The following PDXDC1 variants were observed in gnomAD, a reference collection of about 807,000 sequenced individuals.
The protein encoded by PDXDC1 is pyridoxal-dependent decarboxylase domain-containing protein 1.
In PDXDC1, 42 loss-of-function variants were observed where a neutral mutation model predicts 100.1. The ratio of observed to expected loss-of-function variants is 0.42; its 90% CI spans 0.33 to 0.54. The LOEUF (loss-of-function observed/expected upper bound fraction) is 0.54. Among genes scored for constraint, PDXDC1 ranks in the 20% least tolerant of loss-of-function variants. The pLI is 0.10. For synonymous variants in PDXDC1, 260 were observed against 371.7 expected (o/e 0.70, Z 3.46); for missense variants, 636 against 979.2 (o/e 0.65, Z 4.68).
intron 16 of PDXDC1, among the ~76,000 whole-genome samples, chr16:15,132,497 C>A (rs1421780209): frequency 6.7e-6 from 1 of 149,968 alleles, no homozygotes; most frequent in Non-Finnish European, 1.5e-5. Flanking sequence ...CACATCTGGG[C>A]CCCTCTTTAC....
chr16:15,068,962 A>G (rs1389044676), intron 16 of PDXDC1, among the ~76,000 whole-genome samples: 1 of 152,244 alleles, frequency 6.6e-6, no homozygotes, highest in African/African-American at 2.4e-5. Flanking sequence ...GTCACAGCTT[A>G]CAAAAACAAG....
intron 16 of PDXDC1, among the ~76,000 whole-genome samples, chr16:15,089,853 A>G (rs986141475): frequency 9.3e-5 from 14 of 149,914 alleles, no homozygotes; most frequent in African/African-American, 3.2e-4. Flanking sequence ...GAAACGCTGA[A>G]GTTTTAAGAA....
intron 1 of PDXDC1, among the ~76,000 whole-genome samples, chr16:14,981,211 C>G (rs533176879): frequency 6.6e-6 from 1 of 152,288 alleles, no homozygotes; most frequent in Non-Finnish European, 1.5e-5. Context: ...CTTTACTTTA[C>G]GAGTGTGCCT....
In PDXDC1 at chr16:15,133,581, C is replaced by T. The variant is rs1463187595; in HGVS notation, c.1400-5298C>T. 47 of 1,084,470 alleles carry T rather than the reference C, an allele frequency of 4.3e-5. 1 individual carries two copies. Among genetic ancestry groups the T allele is most frequent in the South Asian group, 4.2e-4 (32 of 76,134 alleles). 67.2% of individuals were successfully genotyped at this position (1,084,470 alleles called of 1,614,324 possible). A position where few individuals can be genotyped will look rare whatever the true frequency, so the allele number is the denominator to read the frequency against. ...TGTGGCCTGAAACCCGGGGGCAGCA[C>T]GGCTCCGTAGCCGGAGAGGCTGCCC... is the stretch of plus-strand genomic sequence containing the variant. On this transcript the variant is annotated intron_variant, in intron 16 of 16. Transcript: ENST00000535621.
rs2042738542 is a variant in PDXDC1, at chr16:15,027,887, G to GGTC, written c.1205-991_1205-990insGTC. ...GCAACATTTGGGGGAAGGCAGGAGT[G>GGTC]CTTGTCCTCACCTAGGTCCGTGGGG... On this transcript the variant is annotated intron_variant, in intron 14 of 22. Coordinates refer to ENST00000396410, the MANE Select transcript of PDXDC1 (RefSeq NM_015027.4). Among the ~76,000 whole-genome samples the GGTC allele has an allele frequency of 1.6e-4, 24 of 152,408 alleles. No individual in the cohort carries two copies. In the South Asian group the frequency reaches 5.0e-3, roughly 32 times the overall value.
intron 16 of PDXDC1, chr16:15,047,970 C>T (rs778482602): frequency 1.5e-5 from 24 of 1,600,144 alleles, no homozygotes; most frequent in African/African-American, 2.7e-5. Flanking sequence ...TTTGGGATAA[C>T]GCCCAATTCA....
intron 16 of PDXDC1, among the ~76,000 whole-genome samples, chr16:15,082,310 A>G (rs2045741174): frequency 6.6e-6 from 1 of 152,062 alleles, no homozygotes. Flanking sequence ...GCATCTACTG[A>G]GATGATTATG....
the PDXDC1 span, among the ~76,000 whole-genome samples, chr16:15,148,204 C>T: frequency 1.3e-5 from 2 of 150,584 alleles, no homozygotes; most frequent in South Asian, 4.2e-4. Context: ...GGCCTCAAGC[C>T]ATCTGCTCTC....
chr16:15,110,259 C>T (rs1197839902), intron 16 of PDXDC1, among the ~76,000 whole-genome samples: 2 of 148,114 alleles, frequency 1.4e-5, no homozygotes, highest in Non-Finnish European at 3.0e-5. Flanking sequence ...AGGAATTATA[C>T]AGCTTAAACT....
Position 15,125,608 on chromosome 16 carries a change from G to A in PDXDC1, c.1400-13271G>A, listed in dbSNP as rs541855472. ...CACCTGTCCAGCAAAGGCCTGCTGA[G>A]AGGTGCACAGTGTCTGGAGTCCAAG... On this transcript the variant is annotated intron_variant, in intron 16 of 16. Transcript: ENST00000535621. The A allele has an allele frequency of 6.8e-5, 82 of 1,209,998 alleles. No individual in the cohort carries two copies. The African/African-American group carries it at 1.1e-3, about 17-fold the overall frequency. 75.0% of individuals were successfully genotyped at this position (1,209,998 alleles called of 1,614,324 possible).
chr16:15,041,043 C>G, downstream of PDXDC1: 1 of 1,549,492 alleles, frequency 6.5e-7, no homozygotes, highest in Non-Finnish European at 8.9e-7. Context: ...AAGACTCCAA[C>G]CCACAAAAGA....
intron 16 of PDXDC1, chr16:15,079,903 A>T: frequency 7.5e-7 from 1 of 1,335,686 alleles, no homozygotes; most frequent in Non-Finnish European, 1.0e-6. Flanking sequence ...GGCCAAGTGG[A>T]TTCTTTTCTA....
chr16:14,976,185 TTC>T (rs1240503792), intron 1 of PDXDC1, among the ~76,000 whole-genome samples: 4 of 152,296 alleles, frequency 2.6e-5, no homozygotes, highest in Non-Finnish European at 5.9e-5. Flanking sequence ...CTCAAAGCCC[TTC>T]TGTCTGTTCC....
rs1464229332 is a variant in PDXDC1 at position 15,017,390 on chromosome 16, G to T, written c.931G>T (p.Val311Leu). 1 of 1,614,114 alleles carries T rather than the reference G, an allele frequency of 6.2e-7. No homozygotes were observed. The highest frequency in any genetic ancestry group is 1.3e-5 in the African/African-American group (1 of 74,958). Residue 311 changes from valine to leucine, a missense_variant, in exon 11 of 23, where the codon GTG (valine) becomes TTG (leucine). By Grantham distance (32) the Val-to-Leu change is conservative (BLOSUM62 1). Around this residue, in one of 4 missense-constraint regions of PDXDC1, gnomAD observed 125 missense variants for 479.9 expected, o/e 0.26. Transcript: ENST00000396410. Reference sequence around the variant, plus strand: ...GCTGGGTTTGCCAGCTGTTCCTGCGGTGACACTGTATAAACACGATGACCC... The same window carrying T: ...GCTGGGTTTGCCAGCTGTTCCTGCGTTGACACTGTATAAACACGATGACCC... ...PWLGLPAVPA[V>L]TLYKHDDPAL...
rs531646241 is a variant in PDXDC1 at position 15,018,971 on chromosome 16, T to G, written c.1089+6T>G. ...TCAAGCATGCCTGTCAACTGGTGAG[T>G]AGAAGCCTGACATTTAAATGAAAGA... On this transcript the variant is annotated splice_donor_region_variant and intron_variant, in intron 12 of 22. Transcript: ENST00000396410. The G allele has an allele frequency of 8.1e-6, 13 of 1,597,996 alleles. No individual in the cohort carries two copies. In the Admixed American group the frequency reaches 2.2e-4, roughly 26 times the overall value.
intron 16 of PDXDC1, chr16:15,093,988 G>T (rs2046246132): frequency 1.2e-5 from 8 of 692,758 alleles, no homozygotes; most frequent in Non-Finnish European, 2.1e-5. Flanking sequence ...ACCCAGTTAG[G>T]AGGAATGAGC....
chr16:15,124,450 G>A (rs983084757), intron 16 of PDXDC1, among the ~76,000 whole-genome samples: 1 of 152,002 alleles, frequency 6.6e-6, no homozygotes, highest in Non-Finnish European at 1.5e-5. Flanking sequence ...ACCATAAATA[G>A]AAAAACAACC....
intron 16 of PDXDC1, chr16:15,134,095 G>A: frequency 2.6e-6 from 4 of 1,553,486 alleles, no homozygotes; most frequent in South Asian, 1.1e-5. Context: ...AAGGGGTGGT[G>A]AGGGGGCGCA....
chr16:15,000,170 C>T (rs189580146), intron 3 of PDXDC1, among the ~76,000 whole-genome samples: 1 of 152,404 alleles, frequency 6.6e-6, no homozygotes, highest in Admixed American at 6.5e-5. Context: ...CTCCTAATTC[C>T]ACGGAAGTTT....
Sources: allele counts gnomAD v4.1 joint callset (sites outside exome capture counted in the v4.1 genomes callset), GRCh38; gene constraint gnomAD v4.1.1; regional missense constraint gnomAD v4.1.1; transcripts MANE v1.5; gene names NCBI Gene and HGNC (gene_info 2026-07-23, HGNC 2026-07-21).